Variants in EPM2A observed in about 807,000 individuals in gnomAD.
The protein encoded by EPM2A is laforin.
EPM2A carries 21 observed loss-of-function variants against 26.5 expected under a neutral mutation model. The observed-to-expected ratio is 0.79, with a 90% CI of 0.56 to 1.14. The LOEUF (loss-of-function observed/expected upper bound fraction) is 1.14, where lower values mean the gene tolerates loss of function less well. EPM2A is among the 50% of genes most tolerant of loss of function. The pLI is 0.00. For missense variants in EPM2A, 458 were observed against 440.8 expected (o/e 1.04, Z -0.35); for synonymous variants, 217 against 177.6 (o/e 1.22, Z -1.76).
At chr6:145,499,332 C>T (rs1005233149), downstream of EPM2A, among the ~76,000 whole-genome samples, 1 of 152,110 alleles carries the variant, frequency 6.6e-6, no homozygotes, top group African/African-American at 2.4e-5. Flanking sequence ...TTTCCTAATT[C>T]ATTCTGTTCC....
At chr6:145,388,649 T>C (rs1447358395) in intron 4 of EPM2A, among the ~76,000 whole-genome samples, 1 of 152,160 alleles carries the variant, frequency 6.6e-6, no homozygotes, top group Admixed American at 6.6e-5. Flanking sequence ...TTTCTCCTAA[T>C]GCTGTCCCTC....
At chr6:145,576,486 T>A (rs9403725) in intron 2 of EPM2A, among the ~76,000 whole-genome samples, 40,774 of 151,952 alleles carry the variant, frequency 0.27, 5,960 homozygotes, top group South Asian at 0.4. Flanking sequence ...TAAACAGGAG[T>A]AAGTAGCAAC....
intron 2 of EPM2A, among the ~76,000 whole-genome samples, chr6:145,676,562 A>T (rs1382239140): frequency 2.0e-5 from 3 of 151,952 alleles, no homozygotes; most frequent in African/African-American, 7.2e-5. Context: ...GAGAGAAGAA[A>T]CAAATAGACA....
At chr6:145,705,221 G>T (rs1396228103) in intron 1 of EPM2A, among the ~76,000 whole-genome samples, 1 of 152,218 alleles carries the variant, frequency 6.6e-6, no homozygotes, top group East Asian at 1.9e-4. Flanking sequence ...GGTCAAGGTG[G>T]GTGGATGGCT....
At chr6:145,663,031 A>C (rs753114141) in intron 2 of EPM2A, among the ~76,000 whole-genome samples, 4 of 152,144 alleles carry the variant, frequency 2.6e-5, no homozygotes, top group Admixed American at 6.5e-5. Context: ...TACACATTTA[A>C]GTTTCCATAA....
intron 2 of EPM2A, among the ~76,000 whole-genome samples, chr6:145,663,190 C>A (rs903872306): frequency 6.6e-6 from 1 of 152,100 alleles, no homozygotes; most frequent in Non-Finnish European, 1.5e-5. Flanking sequence ...GTAAACATGT[C>A]CAACTGGGGG....
At chr6:145,550,761 G>T (rs405622) in intron 2 of EPM2A, among the ~76,000 whole-genome samples, 72,884 of 151,674 alleles carry the variant, frequency 0.48, 17,487 homozygotes, top group South Asian at 0.6. Context: ...GGAAATATAT[G>T]TCCTTTCATA....
At chr6:145,389,425 C>G (rs1046315559) in intron 4 of EPM2A, among the ~76,000 whole-genome samples, 3 of 152,018 alleles carry the variant, frequency 2.0e-5, no homozygotes, top group Non-Finnish European at 4.4e-5. Flanking sequence ...TTCCTGACAT[C>G]GGGTGATCTG....
At chr6:145,551,022 C>A (rs150650800) in intron 2 of EPM2A, among the ~76,000 whole-genome samples, 1 of 152,138 alleles carries the variant, frequency 6.6e-6, no homozygotes, top group East Asian at 1.9e-4. Context: ...AATAAGGTCT[C>A]CTGCACAGAA....
rs558940804 is a variant in EPM2A, at chr6:145,625,447, A to C, written c.*1969T>G. ...GATTTTGTCTATCAGAGCAAAAGGA[A>C]CAAAGGTAAAAATCCACCTGAAAAA... On this transcript the variant is annotated 3_prime_UTR_variant, in exon 4 of 4. Coordinates refer to ENST00000367519, the MANE Select transcript of EPM2A (RefSeq NM_005670.4). 1 of 491,084 alleles carries C rather than the reference A, an allele frequency of 2.0e-6. No homozygotes were observed. Among genetic ancestry groups the C allele is most frequent in the South Asian group, 2.8e-5 (1 of 35,838 alleles). 30.4% of individuals were successfully genotyped at this position (491,084 alleles called of 1,614,324 possible). A position where few individuals can be genotyped will look rare whatever the true frequency, so the allele number is the denominator to read the frequency against.
At chr6:145,466,977 A>T (rs1471796781) in intron 4 of EPM2A, among the ~76,000 whole-genome samples, 1 of 151,980 alleles carries the variant, frequency 6.6e-6, no homozygotes, top group Admixed American at 6.6e-5. Flanking sequence ...GGAACATCAC[A>T]CTCTGGGGAC....
intron 2 of EPM2A, among the ~76,000 whole-genome samples, chr6:145,546,271 A>G (rs1004648896): frequency 1.3e-5 from 2 of 152,152 alleles, no homozygotes; most frequent in African/African-American, 4.8e-5. Context: ...AGTCTGGAGA[A>G]TCTGGATCTC....
At chr6:145,466,300 A>G (rs1451850364) in intron 4 of EPM2A, among the ~76,000 whole-genome samples, 1 of 152,040 alleles carries the variant, frequency 6.6e-6, no homozygotes, top group Admixed American at 6.6e-5. Flanking sequence ...TTACAAGAAA[A>G]AAACAAACAA....
At chr6:145,537,108 C>G (rs527266373) in intron 2 of EPM2A, among the ~76,000 whole-genome samples, 2 of 152,280 alleles carry the variant, frequency 1.3e-5, no homozygotes, top group East Asian at 3.9e-4. Flanking sequence ...TTGGGGCCAA[C>G]TGTTACAGGA....
chr6:145,605,854 A>C (rs1775239195), intron 2 of EPM2A, among the ~76,000 whole-genome samples: 1 of 152,178 alleles, frequency 6.6e-6, no homozygotes, highest in Non-Finnish European at 1.5e-5. Context: ...AAAATGATAC[A>C]TCAAATCATG....
chr6:145,678,760 G>T (rs1295175437), intron 2 of EPM2A, among the ~76,000 whole-genome samples: 4 of 152,204 alleles, frequency 2.6e-5, no homozygotes, highest in Non-Finnish European at 2.9e-5. Flanking sequence ...ACAGATGCTG[G>T]AGGGGATGTG....
chr6:145,471,204 G>T (rs191628153), intron 4 of EPM2A, among the ~76,000 whole-genome samples: 2 of 152,046 alleles, frequency 1.3e-5, no homozygotes, highest in Non-Finnish European at 2.9e-5. Flanking sequence ...TGAATCTATT[G>T]ATTGATCAAT....
intron 4 of EPM2A, among the ~76,000 whole-genome samples, chr6:145,486,837 T>C (rs1779684159): frequency 6.6e-6 from 1 of 152,164 alleles, no homozygotes; most frequent in South Asian, 2.1e-4. Flanking sequence ...AAGAGTTTAT[T>C]TTTTAACTTT....
downstream of EPM2A, among the ~76,000 whole-genome samples, chr6:145,496,769 C>T (rs1265848404): frequency 1.8e-4 from 20 of 112,904 alleles, 1 homozygote; most frequent in South Asian, 1.7e-3. Flanking sequence ...CTCGCTCTGT[C>T]GCCCAGGCCG....
Sources: gnomAD v4.1 joint callset for allele counts (sites outside exome capture counted in the v4.1 genomes callset) on GRCh38, gnomAD v4.1.1 for gene constraint, MANE v1.5 for transcripts, NCBI Gene and HGNC (gene_info 2026-07-23, HGNC 2026-07-21) for gene names.